RBFOX1: variants seen among roughly 807,000 people sequenced by gnomAD.
RBFOX1 encodes RNA binding protein fox-1 homolog 1.
RBFOX1 carries 8 observed loss-of-function variants against 57.7 expected under a neutral mutation model. That is an observed-to-expected ratio of 0.14 (90% CI 0.08 to 0.25). The LOEUF (loss-of-function observed/expected upper bound fraction) is 0.25. RBFOX1 is among the 10% of genes least tolerant of loss of function. The pLI is 1.00. For synonymous variants in RBFOX1, 326 were observed against 222.4 expected, an observed-to-expected ratio of 1.47 and a Z score of -4.15; for missense variants, 611 against 548.5, an observed-to-expected ratio of 1.11 and a Z score of -1.14.
intron 4 of RBFOX1, among the ~76,000 whole-genome samples, chr16:5,968,971 C>G (rs2059906375): frequency 6.6e-6 from 1 of 152,000 alleles, no homozygotes; most frequent in African/African-American, 2.4e-5. Flanking sequence ...TCTCCCTTTT[C>G]TCTTTTAGTT....
At chr16:5,898,547 A>G (rs983832732) in intron 4 of RBFOX1, among the ~76,000 whole-genome samples, 1 of 149,438 alleles carries the variant, frequency 6.7e-6, no homozygotes, top group Admixed American at 6.7e-5. Flanking sequence ...TTGGTCATCT[A>G]CATGTAAAAT....
intron 2 of RBFOX1, among the ~76,000 whole-genome samples, chr16:6,470,801 T>A (rs939947709): frequency 6.6e-6 from 1 of 152,184 alleles, no homozygotes; most frequent in Non-Finnish European, 1.5e-5. Context: ...ATCCTTTTTT[T>A]AACACCTCCA....
chr16:5,690,269 A>G (rs1050542381), intron 3 of RBFOX1, among the ~76,000 whole-genome samples: 6 of 152,342 alleles, frequency 3.9e-5, no homozygotes, highest in African/African-American at 1.2e-4. Context: ...AGTGTCATCA[A>G]TGCCAACAAA....
intron 4 of RBFOX1, among the ~76,000 whole-genome samples, chr16:7,175,519 T>C (rs979800704): frequency 1.3e-5 from 2 of 152,166 alleles, no homozygotes; most frequent in Non-Finnish European, 2.9e-5. Context: ...TCATTGAGCC[T>C]ATGGGCTGGT....
At chr16:7,307,950 A>G (rs754880565) in intron 4 of RBFOX1, among the ~76,000 whole-genome samples, 1 of 152,220 alleles carries the variant, frequency 6.6e-6, no homozygotes, top group South Asian at 2.1e-4. Context: ...TAGAACTCAC[A>G]TATCCCCAAT....
chr16:6,624,356 A>AT (rs199685568), intron 2 of RBFOX1, among the ~76,000 whole-genome samples: 2,028 of 152,096 alleles, frequency 0.013, 58 homozygotes, highest in African/African-American at 0.046. Flanking sequence ...AATTCTTGAC[A>AT]TTTTTTTCTG....
At chr16:6,614,167 T>C (rs796618442) in intron 2 of RBFOX1, among the ~76,000 whole-genome samples, 8 of 152,300 alleles carry the variant, frequency 5.3e-5, no homozygotes, top group Admixed American at 2.0e-4. Flanking sequence ...TTTCTACAGA[T>C]CATATCATTC....
intron 2 of RBFOX1, among the ~76,000 whole-genome samples, chr16:6,504,053 C>CCA (rs1188046476): frequency 2.6e-5 from 4 of 152,180 alleles, no homozygotes; most frequent in African/African-American, 9.7e-5. Context: ...TGTTTCAGCA[C>CCA]CACTGATAAT....
intron 3 of RBFOX1, among the ~76,000 whole-genome samples, chr16:6,859,047 C>G (rs928403702): frequency 6.8e-6 from 1 of 148,092 alleles, no homozygotes; most frequent in African/African-American, 2.5e-5. Flanking sequence ...AGGACTGAGG[C>G]TGGAAGGAGG....
Position 6,039,567 on chromosome 16 carries a change from A to G in RBFOX1, c.-127+19575A>G, listed in dbSNP as rs182458374. Among the ~76,000 whole-genome samples the G allele has an allele frequency of 3.3e-5, 5 of 152,218 alleles. No homozygotes were observed. In the East Asian group the frequency reaches 9.7e-4, roughly 29 times the overall value. ...CAAAACCTTTCATTGCCACTGAATAATTATGCATTTCTTAGACTGCCAGCT... is the reference window on the plus strand; with the variant it reads ...CAAAACCTTTCATTGCCACTGAATAGTTATGCATTTCTTAGACTGCCAGCT... On this transcript the variant is annotated intron_variant, in intron 1 of 15. Transcript: ENST00000550418.
At chr16:7,142,874 C>T (rs1005237775) in intron 4 of RBFOX1, among the ~76,000 whole-genome samples, 1 of 150,580 alleles carries the variant, frequency 6.6e-6, no homozygotes, top group African/African-American at 2.4e-5. Context: ...TTTTTCTTCT[C>T]TTTTCCTTAA....
chr16:5,347,627 C>T (rs895780607), intron 1 of RBFOX1, among the ~76,000 whole-genome samples: 2 of 142,826 alleles, frequency 1.4e-5, no homozygotes, highest in African/African-American at 5.2e-5. Context: ...CCCCTATCAA[C>T]ACATCCACCC....
rs118190514 is a variant in RBFOX1, at chr16:7,209,008, T to C, written c.27+156910T>C. Among the ~76,000 whole-genome samples, 931 of 152,146 alleles carry C rather than the reference T, an allele frequency of 6.1e-3. 6 individuals carry two copies. The highest frequency in any genetic ancestry group is 7.0e-3 in the Non-Finnish European group (476 of 68,008). Reference sequence around the variant, plus strand: ...ATGCATGTCTGTGTCCAAAATTTCCTTTTCAGCTGGGCACAGTGGCTTATG... The same window carrying C: ...ATGCATGTCTGTGTCCAAAATTTCCCTTTCAGCTGGGCACAGTGGCTTATG... On this transcript the variant is annotated intron_variant, in intron 4 of 15. Transcript: ENST00000550418.
At chr16:5,837,369 C>T (rs113672937) in intron 3 of RBFOX1, among the ~76,000 whole-genome samples, 2,310 of 152,158 alleles carry the variant, frequency 0.015, 65 homozygotes, top group African/African-American at 0.052. Context: ...CTGGCAGAAT[C>T]CTAAGAGATC....
At chr16:5,928,120 G>A (rs2058973491) in intron 4 of RBFOX1, among the ~76,000 whole-genome samples, 2 of 151,990 alleles carry the variant, frequency 1.3e-5, no homozygotes, top group Admixed American at 6.6e-5. Flanking sequence ...TTGAGACAGG[G>A]TATTGCTCTG....
At chr16:6,715,500 C>G (rs1253091977) in intron 3 of RBFOX1, among the ~76,000 whole-genome samples, 1 of 152,158 alleles carries the variant, frequency 6.6e-6, no homozygotes, top group African/African-American at 2.4e-5. Context: ...CTATAAGGAG[C>G]TTTGTGTCCC....
intron 4 of RBFOX1, among the ~76,000 whole-genome samples, chr16:7,500,857 C>T (rs80129544): frequency 9.2e-5 from 14 of 152,250 alleles, no homozygotes; most frequent in South Asian, 4.1e-4. Context: ...GAGAGGGACC[C>T]GGTGGGAGGT....
chr16:7,455,120 C>T (rs2058238616), intron 4 of RBFOX1, among the ~76,000 whole-genome samples: 4 of 152,154 alleles, frequency 2.6e-5, no homozygotes, highest in Non-Finnish European at 5.9e-5. Flanking sequence ...CATCTTGAAG[C>T]CTCAGATTGC....
chr16:6,455,873 G>A (rs557731539), intron 2 of RBFOX1, among the ~76,000 whole-genome samples: 1 of 152,128 alleles, frequency 6.6e-6, no homozygotes. Context: ...ATTACGTGGT[G>A]AGCCTAGTAA....
Sources: allele counts gnomAD v4.1 joint callset (sites outside exome capture counted in the v4.1 genomes callset), GRCh38; gene constraint gnomAD v4.1.1; transcripts MANE v1.5; gene names NCBI Gene and HGNC (gene_info 2026-07-23, HGNC 2026-07-21).